Variants in AGFG2 observed in about 807,000 individuals in gnomAD.
AGFG2 encodes arf-GAP domain and FG repeat-containing protein 2.
In AGFG2, 31 loss-of-function variants were observed where a neutral mutation model predicts 48.0. The observed-to-expected ratio is 0.65, with a 90% CI of 0.49 to 0.87. The LOEUF is 0.87. AGFG2 is among the 40% of genes least tolerant of loss of function. The pLI, the probability that AGFG2 is intolerant of heterozygous loss-of-function variation, is 0.00. For synonymous variants in AGFG2, 229 were observed against 260.8 expected (o/e 0.88, Z 1.18); for missense variants, 599 against 632.6 (o/e 0.95, Z 0.57).
Position 100,565,105 on chromosome 7 carries a change from C to T in AGFG2, c.*114C>T. 8.0e-7 allele frequency: 1 copy of T among 1,247,382 alleles called. No individual in the cohort carries two copies. Among genetic ancestry groups the T allele is most frequent in the Non-Finnish European group, 1.2e-6 (1 of 852,058 alleles). 77.3% of individuals were successfully genotyped at this position (1,247,382 alleles called of 1,614,324 possible). A position where few individuals can be genotyped will look rare whatever the true frequency, so the allele number is the denominator to read the frequency against. On this transcript the variant is annotated 3_prime_UTR_variant, in exon 12 of 12. Coordinates refer to ENST00000300176, the MANE Select transcript of AGFG2 (RefSeq NM_006076.5). Reference sequence around the variant, plus strand: ...ATGGGCCTTGGGGATGGTGGAGGTGCTAATGCTTTGCTTGGGGCCTACAGG... The same window carrying T: ...ATGGGCCTTGGGGATGGTGGAGGTGTTAATGCTTTGCTTGGGGCCTACAGG...
intron 1 of AGFG2, among the ~76,000 whole-genome samples, chr7:100,540,117 A>T (rs1211808522): frequency 2.7e-5 from 4 of 148,256 alleles, no homozygotes; most frequent in Admixed American, 2.7e-4. Flanking sequence ...AGAGTACAGG[A>T]TTAAAAAAAA....
intron 1 of AGFG2, among the ~76,000 whole-genome samples, chr7:100,546,836 A>G (rs1019571198): frequency 3.3e-5 from 5 of 152,216 alleles, no homozygotes; most frequent in African/African-American, 9.6e-5. Flanking sequence ...AGAATGGACT[A>G]TCTCTGAAAT....
chr7:100,551,071 T>TATATATA (rs1491536203), intron 3 of AGFG2, among the ~76,000 whole-genome samples: 4 of 90,378 alleles, frequency 4.4e-5, no homozygotes, highest in African/African-American at 2.0e-4. Flanking sequence ...TATATATTTC[T>TATATATA]TTTTTTTTTT....
At chr7:100,548,337 C>T (rs1800554505) in intron 1 of AGFG2, among the ~76,000 whole-genome samples, 1 of 151,878 alleles carries the variant, frequency 6.6e-6, no homozygotes, top group Non-Finnish European at 1.5e-5. Flanking sequence ...GGAGTGGGGA[C>T]AGAGTCTTGC....
intron 6 of AGFG2, among the ~76,000 whole-genome samples, chr7:100,558,739 C>T (rs1354100496): frequency 6.6e-6 from 1 of 151,994 alleles, no homozygotes; most frequent in African/African-American, 2.4e-5. Flanking sequence ...GACAGGGTTT[C>T]ACCGTAAAGA....
At chr7:100,556,670 A>C (rs976160265) in intron 6 of AGFG2, 2 of 1,276,730 alleles carry the variant, frequency 1.6e-6, no homozygotes, top group South Asian at 2.5e-5. Context: ...AGTGCCTCTG[A>C]TCATAGAGTT....
intron 6 of AGFG2, among the ~76,000 whole-genome samples, chr7:100,559,216 A>C (rs183955568): frequency 9.2e-5 from 14 of 152,274 alleles, no homozygotes; most frequent in Admixed American, 8.5e-4. Context: ...GCCTTCATGC[A>C]TTATGTCCAT....
In AGFG2 at chr7:100,562,816, A is replaced by T. The variant is rs756995736; in HGVS notation, c.1088-47A>T. 3.7e-6 allele frequency: 6 copies of T among 1,607,814 alleles called. No individual in the cohort carries two copies. The African/African-American group carries it at 8.0e-5, about 22-fold the overall frequency. On this transcript the variant is annotated intron_variant, in intron 8 of 11. Transcript: ENST00000300176. The surrounding 1 kb of genome is among the most constrained non-coding windows in gnomAD (Gnocchi z 5.4). ...ACAGGATGAAGCACGTGAGAAAAAA[A>T]GTAACCATCTCTCTCTTTCCTGCCG...
At chr7:100,549,926 A>C (rs1225379965) in intron 2 of AGFG2, among the ~76,000 whole-genome samples, 1 of 152,150 alleles carries the variant, frequency 6.6e-6, no homozygotes, top group African/African-American at 2.4e-5. Context: ...TCCCGTACTC[A>C]AGTGATCCAC....
chr7:100,552,009 C>T (rs1411677825), intron 3 of AGFG2, among the ~76,000 whole-genome samples: 2 of 151,294 alleles, frequency 1.3e-5, no homozygotes, highest in East Asian at 3.9e-4. Context: ...TTTGGGAGAC[C>T]GAGGCGGGTG....
At chr7:100,550,660 A>C in intron 3 of AGFG2, 149 bp downstream of exon 3, 1 of 616,926 alleles carries the variant, frequency 1.6e-6, no homozygotes, top group East Asian at 2.8e-5. Flanking sequence ...GGCTAAAATA[A>C]ATCTACATGA....
chr7:100,546,146 C>T (rs1439192479), intron 1 of AGFG2, among the ~76,000 whole-genome samples: 2 of 152,106 alleles, frequency 1.3e-5, no homozygotes, highest in Non-Finnish European at 2.9e-5. Flanking sequence ...TCCCATCATC[C>T]TGTCACGTCT....
In AGFG2 at chr7:100,564,322, G is replaced by A. The variant is rs1439399630; in HGVS notation, c.1386+19G>A. On this transcript the variant is annotated intron_variant, in intron 11 of 11. Coordinates refer to ENST00000300176, the MANE Select transcript of AGFG2 (RefSeq NM_006076.5). ...CTTCATGGTGAGTGTGCCAGCAGGG[G>A]TGCTGTGGTAGGGCTCGTGGGCTTT... 2.5e-6 allele frequency: 4 copies of A among 1,608,908 alleles called. No homozygotes were observed. The South Asian group carries it at 3.3e-5, about 13-fold the overall frequency.
chr7:100,562,731 G>T lies in AGFG2; in HGVS notation c.1087+49G>T. 2 of 1,593,200 alleles carry T rather than the reference G, an allele frequency of 1.3e-6. No homozygotes were observed. Among genetic ancestry groups the T allele is most frequent in the Non-Finnish European group, 1.7e-6 (2 of 1,170,564 alleles). Reference sequence around the variant, plus strand: ...AGGGGAGGGGACCTGAGGCCAGGAGGAGTCTAAGGACTCTGGACAGGGTGG... The same window carrying T: ...AGGGGAGGGGACCTGAGGCCAGGAGTAGTCTAAGGACTCTGGACAGGGTGG... On this transcript the variant is annotated intron_variant, in intron 8 of 11. Coordinates refer to ENST00000300176, the MANE Select transcript of AGFG2 (RefSeq NM_006076.5). The surrounding 1 kb of genome is among the most constrained non-coding windows in gnomAD (Gnocchi z 5.4).
Position 100,539,344 on chromosome 7 carries a change from G to T in AGFG2, c.-3G>T. The stretch of plus-strand genomic sequence containing the variant: ...CTGACTAGCGGGGAGGGAGTGGGCA[G>T]CGATGGTGATGGCGGCGAAGAAGGG... On this transcript the variant is annotated 5_prime_UTR_variant, in exon 1 of 12. Coordinates refer to ENST00000300176, the MANE Select transcript of AGFG2 (RefSeq NM_006076.5). 1 of 1,270,724 alleles carries T rather than the reference G, an allele frequency of 7.9e-7. No individual in the cohort carries two copies. 78.7% of individuals were successfully genotyped at this position (1,270,724 alleles called of 1,614,324 possible).
intron 1 of AGFG2, among the ~76,000 whole-genome samples, chr7:100,540,932 A>G (rs1293832832): frequency 6.7e-6 from 1 of 150,168 alleles, no homozygotes; most frequent in African/African-American, 2.5e-5. Flanking sequence ...GAATCACTTG[A>G]ACCCGGGAGG....
At chr7:100,561,484 C>T (rs1800870782) in intron 6 of AGFG2, among the ~76,000 whole-genome samples, 1 of 152,136 alleles carries the variant, frequency 6.6e-6, no homozygotes, top group Non-Finnish European at 1.5e-5. Context: ...CCAGTGTGGT[C>T]GATAGGGTCC....
Position 100,564,105 on chromosome 7 carries a change from G to A in AGFG2, c.1301-113G>A, listed in dbSNP as rs141099140. On this transcript the variant is annotated intron_variant, in intron 10 of 11. Transcript: ENST00000300176. ...GACCAGGGAAGCACCAGACCCGCCC[G>A]GGTACTTCCACTGCTCTGTTCCCTT... 11 of 1,524,480 alleles carry A rather than the reference G, an allele frequency of 7.2e-6. No individual in the cohort carries two copies. In the African/African-American group the frequency reaches 8.2e-5, roughly 11 times the overall value. 94.4% of individuals were successfully genotyped at this position (1,524,480 alleles called of 1,614,324 possible). A position where few individuals can be genotyped will look rare whatever the true frequency, so the allele number is the denominator to read the frequency against.
chr7:100,567,645 C>T lies in AGFG2; in HGVS notation c.*2654C>T, dbSNP rs1801042646. The T allele has an allele frequency of 1.3e-5, 2 of 152,554 alleles. No individual in the cohort carries two copies. The highest frequency in any genetic ancestry group is 2.9e-5 in the Non-Finnish European group (2 of 68,246). The allele number at this position is 152,554 out of a possible 1,614,324, so 9.5% of individuals were successfully genotyped here. On this transcript the variant is annotated 3_prime_UTR_variant, in exon 12 of 12. Transcript: ENST00000300176. ...TGTTGCCTTCCACAGAGGAGCAAGG[C>T]CTCAGGCTGAGGAAGGAGGGGCACG...
Sources: gnomAD v4.1 joint callset for allele counts (sites outside exome capture counted in the v4.1 genomes callset) on GRCh38, gnomAD v4.1.1 for gene constraint, Gnocchi (gnomAD v3.1) non-coding constraint, MANE v1.5 for transcripts, NCBI Gene and HGNC (gene_info 2026-07-23, HGNC 2026-07-21) for gene names.